ZSCAN29: variants seen among roughly 807,000 people sequenced by gnomAD.
ZSCAN29 encodes zinc finger and SCAN domain-containing protein 29.
In ZSCAN29, 55 loss-of-function variants were observed where a neutral mutation model predicts 71.9. The ratio of observed to expected loss-of-function variants is 0.76; its 90% CI spans 0.62 to 0.96. ZSCAN29 has a LOEUF of 0.96. ZSCAN29 is among the 40% of genes least tolerant of loss of function. The pLI, the probability that ZSCAN29 is intolerant of heterozygous loss-of-function variation, is 0.00. For missense variants in ZSCAN29, 1,042 were observed against 1,042.2 expected, an observed-to-expected ratio of 1.00 and a Z score of 0.00; for synonymous variants, 351 against 371.6, an observed-to-expected ratio of 0.94 and a Z score of 0.64.
chr15:43,360,944 C>T lies in ZSCAN29; in HGVS notation c.*129G>A. On this transcript the variant is annotated 3_prime_UTR_variant, in exon 6 of 6. Transcript: ENST00000684362. ...TAGATCAGGAAAAACAAGGAACAAA[C>T]AGTGGCATAAATCCTAAAGTGAATT... 3 of 1,274,618 alleles carry T rather than the reference C, an allele frequency of 2.4e-6. No homozygotes were observed. The highest frequency in any genetic ancestry group is 3.2e-6 in the Non-Finnish European group (3 of 929,772). 79.0% of individuals were successfully genotyped at this position (1,274,618 alleles called of 1,614,324 possible).
intron 4 of ZSCAN29, among the ~76,000 whole-genome samples, chr15:43,365,343 A>G (rs2044025257): frequency 6.6e-6 from 1 of 152,242 alleles, no homozygotes; most frequent in Non-Finnish European, 1.5e-5. Context: ...ATGGTAGTAA[A>G]TGATACTTTA....
chr15:43,366,767 G>T lies in ZSCAN29; in HGVS notation c.565C>A (p.Gln189Lys), dbSNP rs773208736. The T allele has an allele frequency of 6.2e-7, 1 of 1,613,932 alleles. No homozygotes were observed. Among genetic ancestry groups the T allele is most frequent in the East Asian group, 2.2e-5 (1 of 44,884 alleles). ...AGATCTGGGATCCATGGCTCTCCTT[G>T]CTCCAACCTGGAGACCACACCGGAT... ...PKSGVVSRLE[Q>K]GEPWIPDLLG... is the part of the protein sequence containing the mutation. Residue 189 changes from glutamine (Q) to lysine (K), a missense_variant, in exon 4 of 6, where the codon CAA (glutamine) becomes AAA (lysine). Transcript: ENST00000684362.
chr15:43,365,789 G>A (rs1203698022), intron 4 of ZSCAN29, among the ~76,000 whole-genome samples: 2 of 152,054 alleles, frequency 1.3e-5, no homozygotes, highest in Non-Finnish European at 1.5e-5. Flanking sequence ...ATAATATTGT[G>A]CCACATTTTT....
intron 5 of ZSCAN29, 22 bp downstream of exon 5, chr15:43,363,893 C>A: frequency 1.3e-6 from 2 of 1,557,248 alleles, no homozygotes; most frequent in South Asian, 1.2e-5. Context: ...TTATTTATAC[C>A]ATAATAGTGA....
At chr15:43,367,672 C>T (rs186663802) in intron 3 of ZSCAN29, among the ~76,000 whole-genome samples, 53 of 152,302 alleles carry the variant, frequency 3.5e-4, no homozygotes, top group African/African-American at 1.2e-3. Flanking sequence ...TGTTCTCAAT[C>T]ATGTTTTTAA....
At chr15:43,365,408 C>T (rs1009773236) in intron 4 of ZSCAN29, among the ~76,000 whole-genome samples, 1 of 152,212 alleles carries the variant, frequency 6.6e-6, no homozygotes, top group African/African-American at 2.4e-5. Context: ...AGCTTTCTCA[C>T]TGTAGGACTT....
chr15:43,362,846 A>G (rs1386679932), intron 5 of ZSCAN29, among the ~76,000 whole-genome samples: 1 of 152,222 alleles, frequency 6.6e-6, no homozygotes, highest in Non-Finnish European at 1.5e-5. Flanking sequence ...CCAGGGAACA[A>G]CATTAAAAAA....
At chr15:43,368,514 A>T (rs1178440413) in intron 3 of ZSCAN29, among the ~76,000 whole-genome samples, 1 of 38,868 alleles carries the variant, frequency 2.6e-5, no homozygotes, top group East Asian at 1.1e-3. Flanking sequence ...CGACAGAGCG[A>T]GACTCCGTCT....
In ZSCAN29 at chr15:43,361,525, C is replaced by G. The variant is rs1244213597; in HGVS notation, c.2107G>C (p.Glu703Gln). ...LIRHRRIHTG[E>Q]KPYKCLDCGK... ...CAGTCAAGACATTTATAAGGTTTCTCTCCAGTGTGGATTCTCCGGTGTCTA... is the reference window on the plus strand; with the variant it reads ...CAGTCAAGACATTTATAAGGTTTCTGTCCAGTGTGGATTCTCCGGTGTCTA... Residue 703 changes from glutamate to glutamine, a missense_variant, in exon 6 of 6, where the codon GAG becomes CAG. Coordinates refer to ENST00000684362, the MANE Select transcript of ZSCAN29 (RefSeq NM_001372080.1). 6.2e-7 allele frequency: 1 copy of G among 1,614,218 alleles called. No homozygotes were observed. The highest frequency in any genetic ancestry group is 8.5e-7 in the Non-Finnish European group (1 of 1,180,042).
Position 43,361,252 on chromosome 15 carries a change from C to A in ZSCAN29, c.2380G>T (p.Asp794Tyr), listed in dbSNP as rs1222911805. ...HTGERPHVCP[D>Y]CGKSFSKSSD... Reference sequence around the variant, plus strand: ...CTCTTACTGAAACTCTTTCCACAGTCAGGACACACATGGGGTCTCTCTCCT... The same window carrying A: ...CTCTTACTGAAACTCTTTCCACAGTAAGGACACACATGGGGTCTCTCTCCT... The change falls in exon 6 of 6, where the codon GAC (aspartate) becomes TAC (tyrosine). Residue 794 changes from aspartate to tyrosine, a missense_variant. By Grantham distance (160) the Asp-to-Tyr change is radical. Transcript: ENST00000684362. The A allele has an allele frequency of 1.2e-6, 2 of 1,614,208 alleles. No homozygotes were observed. The highest frequency in any genetic ancestry group is 3.3e-5 in the Admixed American group (2 of 60,026).
intron 3 of ZSCAN29, 30 bp from the exon 4 acceptor site, chr15:43,366,838 CAT>C (rs1159808283): frequency 6.3e-7 from 1 of 1,580,714 alleles, no homozygotes; most frequent in Non-Finnish European, 8.6e-7. Flanking sequence ...CAAAAGTTGT[CAT>C]AGTTTGGACT....
rs1381900513 is a variant in ZSCAN29, at chr15:43,364,302, A to G, written c.1303T>C (p.Cys435Arg). Residue 435 changes from cysteine to arginine, a missense_variant, in exon 5 of 6, where the codon TGT becomes CGT. Coordinates refer to ENST00000684362, the MANE Select transcript of ZSCAN29 (RefSeq NM_001372080.1). ...ETQFYEALRN[C>R]HRNSQLYGAV... ...CCATACAGCTGGCTGTTGCGGTGAC[A>G]GTTCCGGAGGGCTTCATAAAACTGG... 5 of 1,614,182 alleles carry G rather than the reference A, an allele frequency of 3.1e-6. No individual in the cohort carries two copies. In the South Asian group the frequency reaches 4.4e-5, roughly 14 times the overall value.
Position 43,366,695 on chromosome 15 carries a change from C to G in ZSCAN29, c.637G>C (p.Asp213His). 6.2e-7 allele frequency: 1 copy of G among 1,614,184 alleles called. No homozygotes were observed. Among genetic ancestry groups the G allele is most frequent in the Non-Finnish European group, 8.5e-7 (1 of 1,180,006 alleles). The change falls in exon 4 of 6, where the codon GAC (aspartate) becomes CAC (histidine). Residue 213 changes from aspartate to histidine, a missense_variant. Coordinates refer to ENST00000684362, the MANE Select transcript of ZSCAN29 (RefSeq NM_001372080.1). Reference sequence around the variant, plus strand: ...AACAGATCAGCATGCACTCGTCTGTCTCCTATGTGGCTGCCACTTGGAAGT... The same window carrying G: ...AACAGATCAGCATGCACTCGTCTGTGTCCTATGTGGCTGCCACTTGGAAGT... ...KELPSGSHIG[D>H]RRVHADLLPS...
chr15:43,366,072 A>C, intron 4 of ZSCAN29, 38 bp downstream of exon 4: 3 of 1,550,208 alleles, frequency 1.9e-6, no homozygotes, highest in Non-Finnish European at 2.6e-6. Flanking sequence ...TTGTTCCCCA[A>C]GTCTAATTCC....
intron 5 of ZSCAN29, among the ~76,000 whole-genome samples, chr15:43,362,587 C>T (rs961126859): frequency 6.6e-6 from 1 of 152,178 alleles, no homozygotes; most frequent in African/African-American, 2.4e-5. Flanking sequence ...ATCCCATATT[C>T]CCTAGACTAA....
Position 43,366,268 on chromosome 15 carries a change from C to G in ZSCAN29, c.1064G>C (p.Ser355Thr), listed in dbSNP as rs770707647. 9.9e-6 allele frequency: 16 copies of G among 1,613,466 alleles called. No individual in the cohort carries two copies. Among genetic ancestry groups the G allele is most frequent in the Non-Finnish European group, 1.3e-5 (15 of 1,180,030 alleles). The change falls in exon 4 of 6, where the codon AGC becomes ACC. Residue 355 changes from serine (S) to threonine (T), a missense_variant. Ser to Thr is a moderately conservative substitution (Grantham distance 58). Coordinates refer to ENST00000684362, the MANE Select transcript of ZSCAN29 (RefSeq NM_001372080.1). ...CCCTGGCTCTTCAGTCTCAGCATCG[C>G]TGCCTACCAGGCCAGAGTGAGAGGC... The part of the protein sequence containing the change: ...AAASHSGLVG[S>T]DAETEEPGQR...
Position 43,369,114 on chromosome 15 carries a change from A to C in ZSCAN29, c.332T>G (p.Val111Gly). Residue 111 changes from valine to glycine, a missense_variant, in exon 3 of 6, where the codon GTG (valine) becomes GGG (glycine). Transcript: ENST00000684362. ...GRPRSSVTVS[V>G]KGQEVRLEKM... ...CTCCAAGCGCACTTCCTGCCCCTTC[A>C]CAGAGACTGTGACCTAGAAACAACC... 2 of 1,574,870 alleles carry C rather than the reference A, an allele frequency of 1.3e-6. No individual in the cohort carries two copies. The highest frequency in any genetic ancestry group is 1.7e-6 in the Non-Finnish European group (2 of 1,156,770).
At chr15:43,370,109 G>T in intron 1 of ZSCAN29, 84 bp from the exon 2 acceptor site, 1 of 603,460 alleles carries the variant, frequency 1.7e-6, no homozygotes, top group Non-Finnish European at 2.8e-6. Context: ...CTTTCCATGT[G>T]CTCCGAGTGG....
In ZSCAN29 at chr15:43,369,137, A is replaced by G. The variant is rs1182556791; in HGVS notation, c.319-10T>C. 1 of 1,536,062 alleles carries G rather than the reference A, an allele frequency of 6.5e-7. No homozygotes were observed. Among genetic ancestry groups the G allele is most frequent in the African/African-American group, 1.4e-5 (1 of 72,452 alleles). ...TCACAGAGACTGTGACCTAGAAACAACCCCCGTTAATTGTCACTGCAAGAT... is the reference window on the plus strand; with the variant it reads ...TCACAGAGACTGTGACCTAGAAACAGCCCCCGTTAATTGTCACTGCAAGAT... On this transcript the variant is annotated splice_polypyrimidine_tract_variant and intron_variant, in intron 2 of 5. Transcript: ENST00000684362.
Sources: gnomAD v4.1 joint callset for allele counts (sites outside exome capture counted in the v4.1 genomes callset) on GRCh38, gnomAD v4.1.1 for gene constraint, MANE v1.5 for transcripts, NCBI Gene and HGNC (gene_info 2026-07-23, HGNC 2026-07-21) for gene names.